Variants in ZNF277 observed in about 807,000 individuals in gnomAD.
The protein encoded by ZNF277 is nuclear receptor-interacting factor 4.
A neutral mutation model predicts 60.7 loss-of-function variants in ZNF277; 55 were observed. The observed-to-expected ratio is 0.91, with a 90% CI of 0.73 to 1.13. The LOEUF is 1.13. Among genes scored for constraint, ZNF277 ranks in the 50% most tolerant of loss-of-function variants. ZNF277 has a pLI of 0.00. For synonymous variants in ZNF277, 178 were observed against 179.3 expected, an observed-to-expected ratio of 0.99 and a Z score of 0.06; for missense variants, 510 against 523.0, an observed-to-expected ratio of 0.98 and a Z score of 0.24.
intron 1 of ZNF277, among the ~76,000 whole-genome samples, chr7:112,221,579 G>A (rs1822032830): frequency 6.6e-6 from 1 of 152,164 alleles, no homozygotes. Context: ...AAGAATCAGT[G>A]GGAGCCCTGA....
intron 1 of ZNF277, among the ~76,000 whole-genome samples, chr7:112,263,881 G>A (rs183497573): frequency 1.7e-4 from 26 of 152,178 alleles, no homozygotes; most frequent in Admixed American, 1.6e-3. Flanking sequence ...TTTGTGTACA[G>A]TTTATTGGGT....
intron 1 of ZNF277, among the ~76,000 whole-genome samples, chr7:112,263,244 G>A (rs1791473642): frequency 6.6e-6 from 1 of 152,178 alleles, no homozygotes; most frequent in Admixed American, 6.5e-5. Context: ...TTAGGGACTG[G>A]CCAACTGTCA....
chr7:112,300,244 G>A, intron 4 of ZNF277, among the ~76,000 whole-genome samples: 1 of 152,100 alleles, frequency 6.6e-6, no homozygotes, highest in Non-Finnish European at 1.5e-5. Flanking sequence ...ATTTGTATGT[G>A]TTCCCAGTTT....
chr7:112,249,043 A>C (rs113759151), intron 1 of ZNF277, among the ~76,000 whole-genome samples: 1 of 152,104 alleles, frequency 6.6e-6, no homozygotes, highest in Non-Finnish European at 1.5e-5. Context: ...GTTAACTCCA[A>C]ATTCTACATG....
chr7:112,302,546 G>A (rs1475952356), intron 4 of ZNF277, among the ~76,000 whole-genome samples: 1 of 151,988 alleles, frequency 6.6e-6, no homozygotes, highest in African/African-American at 2.4e-5. Context: ...GTTATTAACA[G>A]TGCAACAGAG....
intron 1 of ZNF277, among the ~76,000 whole-genome samples, chr7:112,281,137 C>T (rs1217582677): frequency 6.6e-6 from 1 of 152,204 alleles, no homozygotes; most frequent in Non-Finnish European, 1.5e-5. Flanking sequence ...GTTTAAAATA[C>T]CCACACTGTT....
At chr7:112,294,606 T>G (rs1391145154) in intron 2 of ZNF277, among the ~76,000 whole-genome samples, 2 of 152,234 alleles carry the variant, frequency 1.3e-5, no homozygotes, top group Non-Finnish European at 2.9e-5. Context: ...CATGGGATTC[T>G]ATTTTTATAC....
At chr7:112,315,136 A>G (rs544079306) in intron 4 of ZNF277, among the ~76,000 whole-genome samples, 1 of 152,066 alleles carries the variant, frequency 6.6e-6, no homozygotes. Context: ...AGAGAACTCA[A>G]TAATAAGAAA....
intron 1 of ZNF277, among the ~76,000 whole-genome samples, chr7:112,226,420 A>AT (rs1822177602): frequency 6.6e-6 from 1 of 152,316 alleles, no homozygotes; most frequent in South Asian, 2.1e-4. Context: ...TGAAATTAAT[A>AT]TTTATATAAA....
chr7:112,278,507 T>C (rs1278912669), intron 1 of ZNF277, among the ~76,000 whole-genome samples: 8 of 152,212 alleles, frequency 5.3e-5, no homozygotes, highest in Admixed American at 5.2e-4. Flanking sequence ...TAACCTATAA[T>C]TGACCATGTG....
chr7:112,230,979 C>T (rs891658860), intron 1 of ZNF277, among the ~76,000 whole-genome samples: 4 of 151,964 alleles, frequency 2.6e-5, no homozygotes, highest in African/African-American at 7.3e-5. Context: ...CTTTGGGAGG[C>T]GAAGGTGGGC....
At chr7:112,311,115 A>G (rs929543208) in intron 4 of ZNF277, among the ~76,000 whole-genome samples, 3 of 152,116 alleles carry the variant, frequency 2.0e-5, no homozygotes, top group Non-Finnish European at 4.4e-5. Context: ...ACTGGTTTTT[A>G]TAATTTTCAA....
chr7:112,318,000 G>A (rs957305875), intron 4 of ZNF277, among the ~76,000 whole-genome samples, 182 bp from the exon 5 acceptor site: 3 of 152,058 alleles, frequency 2.0e-5, no homozygotes, highest in African/African-American at 7.2e-5. Context: ...TGTTCTGTAA[G>A]CATTTTATGG....
intron 11 of ZNF277, 56 bp from the exon 12 acceptor site, chr7:112,342,505 C>A: frequency 7.2e-7 from 1 of 1,384,408 alleles, no homozygotes; most frequent in East Asian, 2.6e-5. Context: ...CATTCAGCTA[C>A]CTGGACACTG....
At chr7:112,235,362 A>G (rs1822460822) in intron 1 of ZNF277, among the ~76,000 whole-genome samples, 1 of 152,122 alleles carries the variant, frequency 6.6e-6, no homozygotes, top group South Asian at 2.1e-4. Context: ...AAACAGCTGT[A>G]CCAGTTTACA....
rs532264732 is a variant in ZNF277, at chr7:112,248,778, C to T, written c.92-38095C>T. On this transcript the variant is annotated intron_variant, in intron 1 of 11. Transcript: ENST00000361822. Reference sequence around the variant, plus strand: ...ATCGCATATATCTTCGTACATTTAACTATACATTCAAAAATGATAGTCATC... The same window carrying T: ...ATCGCATATATCTTCGTACATTTAATTATACATTCAAAAATGATAGTCATC... Among the ~76,000 whole-genome samples, 3 of 152,190 alleles carry T rather than the reference C, an allele frequency of 2.0e-5. No homozygotes were observed. The South Asian group carries it at 6.2e-4, about 32-fold the overall frequency.
chr7:112,337,499 G>GA (rs1489060481), intron 8 of ZNF277, among the ~76,000 whole-genome samples: 2 of 152,204 alleles, frequency 1.3e-5, no homozygotes, highest in Non-Finnish European at 2.9e-5. Flanking sequence ...GCAAATAGGA[G>GA]AAAATGGAAC....
chr7:112,260,357 T>G (rs1403899998), intron 1 of ZNF277, among the ~76,000 whole-genome samples: 2 of 152,210 alleles, frequency 1.3e-5, no homozygotes, highest in Non-Finnish European at 2.9e-5. Flanking sequence ...TTCATTGCTT[T>G]GTTTGGTAGT....
chr7:112,294,833 G>A (rs1375981578), intron 2 of ZNF277, among the ~76,000 whole-genome samples: 1 of 151,954 alleles, frequency 6.6e-6, no homozygotes, highest in African/African-American at 2.4e-5. Flanking sequence ...TGGGAATTGG[G>A]GACTACTTAG....
Sources: gnomAD v4.1 joint callset for allele counts (sites outside exome capture counted in the v4.1 genomes callset) on GRCh38, gnomAD v4.1.1 for gene constraint, MANE v1.5 for transcripts, NCBI Gene and HGNC (gene_info 2026-07-23, HGNC 2026-07-21) for gene names.